The following PFKFB4 variants were observed in gnomAD, a reference collection of about 807,000 sequenced individuals.
PFKFB4 encodes 6-phosphofructo-2-kinase/fructose-2,6-biphosphatase 4.
Under a neutral mutation model 62.8 loss-of-function variants are expected in PFKFB4, and 42 were observed. That is an observed-to-expected ratio of 0.67 (90% CI 0.52 to 0.86). The LOEUF (loss-of-function observed/expected upper bound fraction) is 0.86. Among genes scored for constraint, PFKFB4 ranks in the 40% least tolerant of loss-of-function variants. The probability of loss-of-function intolerance (pLI) is 0.00; values close to 1 mark genes in which losing one functional copy is unlikely to be tolerated. For synonymous variants in PFKFB4, 204 were observed against 240.7 expected (o/e 0.85, Z 1.41); for missense variants, 475 against 627.2 (o/e 0.76, Z 2.59).
intron 9 of PFKFB4, among the ~76,000 whole-genome samples, chr3:48,526,802 G>A (rs1019122105): frequency 5.9e-5 from 9 of 151,798 alleles, no homozygotes; most frequent in South Asian, 2.1e-4. Flanking sequence ...TTAGCCAGGC[G>A]TGGTGGCTCA....
intron 3 of PFKFB4, 66 bp downstream of exon 3, chr3:48,549,798 G>T: frequency 1.0e-6 from 1 of 959,758 alleles, no homozygotes; most frequent in Non-Finnish European, 1.7e-6. Flanking sequence ...GGTCAGTAAT[G>T]TGTTAGCTTT....
At chr3:48,556,838 C>A (rs559619562), upstream of PFKFB4, 1 of 1,523,182 alleles carries the variant, frequency 6.6e-7, no homozygotes, top group South Asian at 1.2e-5. This position sits in a 1 kb window ranked among gnomAD's most constrained non-coding sequence, Gnocchi z 5.7. Flanking sequence ...CCACCTCGGG[C>A]CACCCGAGGT....
chr3:48,529,101 G>A (rs190770226), intron 9 of PFKFB4, among the ~76,000 whole-genome samples: 5 of 151,922 alleles, frequency 3.3e-5, no homozygotes, highest in Admixed American at 1.3e-4. Context: ...GTAATGGCAC[G>A]ATCTCAGCTC....
intron 5 of PFKFB4, 120 bp from the exon 6 acceptor site, chr3:48,539,430 G>T: frequency 1.1e-6 from 1 of 901,212 alleles, no homozygotes; most frequent in Non-Finnish European, 1.8e-6. Context: ...AAGCAGCCAG[G>T]CCCTGAAACC....
At chr3:48,519,835 TC>T in intron 13 of PFKFB4, 29 bp from the exon 14 acceptor site, 1 of 1,592,840 alleles carries the variant, frequency 6.3e-7, no homozygotes, top group Non-Finnish European at 8.6e-7. Context: ...GAGCGTTCAC[TC>T]CATGGCAGGA....
chr3:48,546,128 T>C (rs2042956444), intron 3 of PFKFB4, among the ~76,000 whole-genome samples: 1 of 152,096 alleles, frequency 6.6e-6, no homozygotes. Context: ...TGTGTACATG[T>C]AAATCTGTGA....
chr3:48,544,805 C>T (rs544521665), intron 3 of PFKFB4, among the ~76,000 whole-genome samples: 179 of 151,698 alleles, frequency 1.2e-3, no homozygotes, highest in Non-Finnish European at 2.1e-3. Context: ...CTCACTGTAA[C>T]CTCTGCCTCC....
chr3:48,523,500 T>C (rs780538968), intron 12 of PFKFB4, 37 bp downstream of exon 12: 18 of 1,591,332 alleles, frequency 1.1e-5, no homozygotes, highest in Admixed American at 5.0e-5. Context: ...TCCAAGGTCA[T>C]GGCTACCCAT....
At position 48,550,113 on chromosome 3, in the gene PFKFB4, C is replaced by A. The variant is rs2043090995; in HGVS notation, c.214+5G>T. ...TCCCCTTAGACAGCTGGGGCCAAGC[C>A]TCACCCCGAGTGGGCACACCAATCC... On this transcript the variant is annotated splice_donor_5th_base_variant and intron_variant, in intron 2 of 13. Transcript: ENST00000232375. 2 of 1,599,110 alleles carry A rather than the reference C, an allele frequency of 1.3e-6. No individual in the cohort carries two copies. The highest frequency in any genetic ancestry group is 1.3e-5 in the African/African-American group (1 of 74,592).
At position 48,518,733 on chromosome 3, in the gene PFKFB4, A is replaced by G; in HGVS notation, c.*1014T>C. 6.6e-6 allele frequency: 1 copy of G among 152,368 alleles called. No homozygotes were observed. The highest frequency in any genetic ancestry group is 3.4e-3 in the Middle Eastern group (1 of 296). 9.4% of individuals were successfully genotyped at this position (152,368 alleles called of 1,614,324 possible). A position where few individuals can be genotyped will look rare whatever the true frequency, so the allele number is the denominator to read the frequency against. On this transcript the variant is annotated 3_prime_UTR_variant, in exon 14 of 14. Transcript: ENST00000232375. ...AGGCAGAAGTCAACAAACACCAGAG[A>G]AGTTTTACAGGACCATACAAGTGTT...
At chr3:48,546,187 C>A (rs921480978) in intron 3 of PFKFB4, among the ~76,000 whole-genome samples, 1 of 152,128 alleles carries the variant, frequency 6.6e-6, no homozygotes, top group Non-Finnish European at 1.5e-5. Flanking sequence ...CACAGGTGCA[C>A]ACACACGAGC....
chr3:48,531,063 AT>A (rs1321320330), intron 9 of PFKFB4, among the ~76,000 whole-genome samples: 1 of 152,154 alleles, frequency 6.6e-6, no homozygotes, highest in Non-Finnish European at 1.5e-5. Flanking sequence ...AAGGGAAAAA[AT>A]ATAATAAAAA....
At chr3:48,524,204 G>A (rs1191163799) in intron 10 of PFKFB4, among the ~76,000 whole-genome samples, 9 of 152,226 alleles carry the variant, frequency 5.9e-5, no homozygotes, top group African/African-American at 1.9e-4. Context: ...TGACAAGAGC[G>A]AAGGGGAAGA....
intron 4 of PFKFB4, among the ~76,000 whole-genome samples, chr3:48,542,198 G>A (rs1050559678): frequency 6.6e-6 from 1 of 152,024 alleles, no homozygotes; most frequent in Admixed American, 6.6e-5. Flanking sequence ...GCCGGGCACA[G>A]TGGCGGGGGC....
At chr3:48,533,828 T>C (rs2042507623) in intron 9 of PFKFB4, among the ~76,000 whole-genome samples, 1 of 152,194 alleles carries the variant, frequency 6.6e-6, no homozygotes, top group Non-Finnish European at 1.5e-5. Context: ...CACTCCAGCC[T>C]GGACAACAGG....
Position 48,536,236 on chromosome 3 carries a change from G to A in PFKFB4, c.840+20C>T, listed in dbSNP as rs1418402953. The A allele has an allele frequency of 2.0e-5, 32 of 1,605,136 alleles. No homozygotes were observed. The highest frequency in any genetic ancestry group is 2.3e-5 in the Non-Finnish European group (27 of 1,174,392). ...TACAAATGCAGGCCCGTGTGCGCAC[G>A]CAGGGACACATGCACTGACCTCCCT... On this transcript the variant is annotated intron_variant, in intron 8 of 13. Transcript: ENST00000232375.
At chr3:48,558,522 A>G (rs1002608123), upstream of PFKFB4, among the ~76,000 whole-genome samples, 4 of 152,220 alleles carry the variant, frequency 2.6e-5, no homozygotes, top group African/African-American at 9.6e-5. Context: ...GCCTTGGATC[A>G]GTCCAAGTCC....
At position 48,556,792 on chromosome 3, in the gene PFKFB4, G is replaced by A. The variant is rs769100006; in HGVS notation, c.-15C>T. The A allele has an allele frequency of 1.3e-5, 20 of 1,596,828 alleles. No homozygotes were observed. The highest frequency in any genetic ancestry group is 1.7e-4 in the Middle Eastern group (1 of 6,020). ...GGGGACGCCATCCCGGGGCCGGGAT[G>A]AGTCGGACTGCGCCGCTTCCAACCC... On this transcript the variant is annotated 5_prime_UTR_variant, in exon 1 of 14. Transcript: ENST00000232375. This position sits in a 1 kb window ranked among gnomAD's most constrained non-coding sequence, Gnocchi z 5.7.
In PFKFB4 at chr3:48,536,480, T is replaced by C. The variant is rs1488825358; in HGVS notation, c.633-17A>G. 2 of 1,588,874 alleles carry C rather than the reference T, an allele frequency of 1.3e-6. No homozygotes were observed. The highest frequency in any genetic ancestry group is 1.7e-6 in the Non-Finnish European group (2 of 1,158,440). ...GACAGGTCCCTGTCCAGAGAGAAAG[T>C]AGAAAGAGGCCTGTGAGCGTGGCCA... On this transcript the variant is annotated splice_polypyrimidine_tract_variant and intron_variant, in intron 7 of 13. Transcript: ENST00000232375.
Sources: gnomAD v4.1 joint callset for allele counts (sites outside exome capture counted in the v4.1 genomes callset) on GRCh38, gnomAD v4.1.1 for gene constraint, Gnocchi (gnomAD v3.1) non-coding constraint, MANE v1.5 for transcripts, NCBI Gene and HGNC (gene_info 2026-07-23, HGNC 2026-07-21) for gene names.